Variants in CRMP1 observed in about 807,000 individuals in gnomAD.
CRMP1 encodes collapsin response mediator protein 1, also known as dihydropyrimidinase-related protein 1.
In CRMP1, 19 loss-of-function variants were observed where a neutral mutation model predicts 68.3. That is an observed-to-expected ratio of 0.28 (90% CI 0.19 to 0.41). The LOEUF (loss-of-function observed/expected upper bound fraction) is 0.41. Among genes scored for constraint, CRMP1 ranks in the 10% least tolerant of loss-of-function variants. The pLI, the probability that CRMP1 is intolerant of heterozygous loss-of-function variation, is 1.00. For synonymous variants in CRMP1, 439 were observed against 399.6 expected (o/e 1.10, Z -1.18); for missense variants, 791 against 967.4 (o/e 0.82, Z 2.42).
chr4:5,839,438 C>G lies in CRMP1; in HGVS notation c.1310+84G>C, dbSNP rs1196134168. On this transcript the variant is annotated intron_variant, in intron 9 of 13. Transcript: ENST00000324989. ...CCTCCTCTACAATCATGAGTCCAAA[C>G]CAGCCTGCGGATTCCCACCATTAAC... 3 of 1,506,204 alleles carry G rather than the reference C, an allele frequency of 2.0e-6. No homozygotes were observed. The East Asian group carries it at 7.4e-5, about 37-fold the overall frequency. The allele number at this position is 1,506,204 out of a possible 1,614,324, so 93.3% of individuals were successfully genotyped here. A position where few individuals can be genotyped will look rare whatever the true frequency, so the allele number is the denominator to read the frequency against.
chr4:5,850,368 T>C lies in CRMP1; in HGVS notation c.883-896A>G, dbSNP rs1712533047. On this transcript the variant is annotated intron_variant, in intron 5 of 13. Coordinates refer to ENST00000324989, the MANE Select transcript of CRMP1 (RefSeq NM_001014809.3). This position sits in a 1 kb window ranked among gnomAD's most constrained non-coding sequence, Gnocchi z 4.4. Reference sequence around the variant, plus strand: ...ATCACAATTATGCCAGCACATCACATGCTATGTTTTCTATGTAACTGAACC... The same window carrying C: ...ATCACAATTATGCCAGCACATCACACGCTATGTTTTCTATGTAACTGAACC... Among the ~76,000 whole-genome samples the C allele has an allele frequency of 6.6e-6, 1 of 152,214 alleles. No individual in the cohort carries two copies. The highest frequency in any genetic ancestry group is 6.5e-5 in the Admixed American group (1 of 15,280).
At chr4:5,830,663 C>G (rs1720306192) in intron 11 of CRMP1, among the ~76,000 whole-genome samples, 1 of 152,156 alleles carries the variant, frequency 6.6e-6, no homozygotes, top group Non-Finnish European at 1.5e-5. Flanking sequence ...TATTCCTTGG[C>G]TCTCTTTTCT....
chr4:5,842,969 G>T lies in CRMP1; in HGVS notation c.1032+124C>A. On this transcript the variant is annotated intron_variant, in intron 7 of 13. Coordinates refer to ENST00000324989, the MANE Select transcript of CRMP1 (RefSeq NM_001014809.3). The surrounding 1 kb of genome is among the most constrained non-coding windows in gnomAD (Gnocchi z 4.5). ...TTCCCGGGGAAAACAAGATGGTTTG[G>T]GATGGTCTGGGAGAGGACACGGGAA... 1 of 869,638 alleles carries T rather than the reference G, an allele frequency of 1.1e-6. No individual in the cohort carries two copies. The allele number at this position is 869,638 out of a possible 1,614,324, so 53.9% of individuals were successfully genotyped here. A position where few individuals can be genotyped will look rare whatever the true frequency, so the allele number is the denominator to read the frequency against.
chr4:5,848,972 A>G (rs745707983), intron 6 of CRMP1, among the ~76,000 whole-genome samples: 12 of 152,336 alleles, frequency 7.9e-5, no homozygotes, highest in Non-Finnish European at 5.9e-5. Context: ...GAACTTTTGA[A>G]GGACACATTC....
chr4:5,833,583 T>C (rs1560488820), intron 11 of CRMP1, among the ~76,000 whole-genome samples: 1 of 152,216 alleles, frequency 6.6e-6, no homozygotes, highest in Non-Finnish European at 1.5e-5. Flanking sequence ...TTTTCTCATT[T>C]ATCAATAACA....
In CRMP1 at chr4:5,859,142, A is replaced by G. The variant is rs1245781331; in HGVS notation, c.655+1884T>C. 2.0e-5 allele frequency among the ~76,000 whole-genome samples: 3 copies of G among 152,208 alleles called. No homozygotes were observed. The highest frequency in any genetic ancestry group is 2.1e-4 in the South Asian group (1 of 4,822). ...GGCAGTCCCCTTGACAACGAGCATC[A>G]TTCCTGCTTTTGTTCACCTGGTACA... On this transcript the variant is annotated intron_variant, in intron 3 of 13. Coordinates refer to ENST00000324989, the MANE Select transcript of CRMP1 (RefSeq NM_001014809.3). This position sits in a 1 kb window ranked among gnomAD's most constrained non-coding sequence, Gnocchi z 5.2.
rs1419550476 is a variant in CRMP1 at position 5,865,613 on chromosome 4, C to T, written c.470+1055G>A. Among the ~76,000 whole-genome samples, 1 of 142,192 alleles carries T rather than the reference C, an allele frequency of 7.0e-6. No homozygotes were observed. The highest frequency in any genetic ancestry group is 2.7e-5 in the African/African-American group (1 of 36,478). The allele number at this position is 142,192 out of a possible 152,430, so 93.3% of individuals were successfully genotyped here. On this transcript the variant is annotated intron_variant, in intron 2 of 13. Transcript: ENST00000324989. The surrounding 1 kb of genome is among the most constrained non-coding windows in gnomAD (Gnocchi z 4.1). The stretch of plus-strand genomic sequence containing the variant: ...TCCAGCCTGGTGACAGAGTGAGACT[C>T]CGTCTCAAAAAAAAAAAAAAAAAAG...
At chr4:5,840,310 G>A (rs1429657717) in intron 8 of CRMP1, among the ~76,000 whole-genome samples, 2 of 152,352 alleles carry the variant, frequency 1.3e-5, no homozygotes, top group African/African-American at 4.8e-5. Flanking sequence ...GTTCCTGCTT[G>A]TCTTTCAAGG....
At chr4:5,832,418 C>T (rs1415903379) in intron 11 of CRMP1, among the ~76,000 whole-genome samples, 1 of 152,052 alleles carries the variant, frequency 6.6e-6, no homozygotes, top group African/African-American at 2.4e-5. Flanking sequence ...GAATGTTTTC[C>T]ACAAAGATAG....
intron 11 of CRMP1, among the ~76,000 whole-genome samples, chr4:5,831,651 C>G (rs988625629): frequency 1.1e-4 from 17 of 152,204 alleles, no homozygotes; most frequent in African/African-American, 4.1e-4. Flanking sequence ...GCTGCTGTCC[C>G]TACTCCTGGG....
chr4:5,826,952 G>C (rs976364680), intron 12 of CRMP1: 1 of 152,546 alleles, frequency 6.6e-6, no homozygotes. Flanking sequence ...CGACTCCCTG[G>C]GCCTCACTGT....
In CRMP1 at chr4:5,892,652, C is replaced by A; in HGVS notation, c.318G>T (p.Pro106=). Residue 106 remains proline (P), a synonymous_variant, in exon 1 of 14, where the codon CCG becomes CCT. Transcript: ENST00000324989. The surrounding 1 kb of genome is among the most constrained non-coding windows in gnomAD (Gnocchi z 8.6). ...CGGGGCGGCGGATGCGCAGCGTCGG[C>A]GGCCGCTCGTCGCGCTCTCCGGGAG... ...VSSPGERDER[P]PTLRIRRPAP... 1 of 1,193,426 alleles carries A rather than the reference C, an allele frequency of 8.4e-7. No homozygotes were observed. Among genetic ancestry groups the A allele is most frequent in the Non-Finnish European group, 1.0e-6 (1 of 963,302 alleles). 73.9% of individuals were successfully genotyped at this position (1,193,426 alleles called of 1,614,324 possible).
intron 9 of CRMP1, 129 bp from the exon 10 acceptor site, chr4:5,837,035 G>C: frequency 9.3e-7 from 1 of 1,070,598 alleles, no homozygotes; most frequent in Non-Finnish European, 1.3e-6. Context: ...GGGTAAGAGA[G>C]ACTCTCTAGC....
At chr4:5,868,261 C>CTATA (rs60816757) in intron 1 of CRMP1, among the ~76,000 whole-genome samples, 1,502 of 110,990 alleles carry the variant, frequency 0.014, 13 homozygotes, top group South Asian at 0.022. Flanking sequence ...GACTATATAT[C>CTATA]TATATATATA....
rs571052537 is a variant in CRMP1, at chr4:5,850,071, C to T, written c.883-599G>A. Among the ~76,000 whole-genome samples, 9 of 152,340 alleles carry T rather than the reference C, an allele frequency of 5.9e-5. No individual in the cohort carries two copies. The South Asian group carries it at 1.5e-3, about 25-fold the overall frequency. On this transcript the variant is annotated intron_variant, in intron 5 of 13. Transcript: ENST00000324989. The surrounding 1 kb of genome is among the most constrained non-coding windows in gnomAD (Gnocchi z 4.4). ...GGCCCTCCCCACTGCCCAGTGTTCT[C>T]TTCCTACCTGAGGAGAATCTGCATT... is the stretch of plus-strand genomic sequence containing the variant.
chr4:5,828,471 C>T lies in CRMP1; in HGVS notation c.1803+18G>A, dbSNP rs1414606827. The T allele has an allele frequency of 1.2e-6, 2 of 1,609,820 alleles. No individual in the cohort carries two copies. Among genetic ancestry groups the T allele is most frequent in the African/African-American group, 1.3e-5 (1 of 74,900 alleles). On this transcript the variant is annotated intron_variant, in intron 12 of 13. Transcript: ENST00000324989. ...TCTGGTCCCACGGGTGGGCCCGCTC[C>T]CCTGCAGACACACTCACCTTATTCC...
Position 5,825,431 on chromosome 4 carries a change from G to A in CRMP1, c.1969+63C>T, listed in dbSNP as rs143620559. The stretch of plus-strand genomic sequence containing the variant: ...CCACGTGTCCATTTCCTCAGAAGCA[G>A]CAGGAAGGACTCGGCCTGAACTGCT... On this transcript the variant is annotated intron_variant, in intron 13 of 13. Coordinates refer to ENST00000324989, the MANE Select transcript of CRMP1 (RefSeq NM_001014809.3). This position sits in a 1 kb window ranked among gnomAD's most constrained non-coding sequence, Gnocchi z 4.4. The A allele has an allele frequency of 2.7e-6, 4 of 1,500,918 alleles. No individual in the cohort carries two copies. The Admixed American group carries it at 1.0e-4, about 38-fold the overall frequency. The allele number at this position is 1,500,918 out of a possible 1,614,324, so 93.0% of individuals were successfully genotyped here.
intron 6 of CRMP1, among the ~76,000 whole-genome samples, chr4:5,846,743 A>G (rs4689299): frequency 7.7e-6 from 1 of 130,696 alleles, no homozygotes; most frequent in African/African-American, 3.1e-5. Context: ...GGCACCCGCC[A>G]CCATGCCCGG....
At chr4:5,847,570 G>GT (rs1213403471) in intron 6 of CRMP1, among the ~76,000 whole-genome samples, 1 of 152,198 alleles carries the variant, frequency 6.6e-6, no homozygotes. Context: ...GGCACTGTTG[G>GT]TTTTTTACAT....
Sources: allele counts gnomAD v4.1 joint callset (sites outside exome capture counted in the v4.1 genomes callset), GRCh38; gene constraint gnomAD v4.1.1; non-coding constraint Gnocchi (gnomAD v3.1); transcripts MANE v1.5; gene names NCBI Gene and HGNC (gene_info 2026-07-23, HGNC 2026-07-21).